Variants in PRR16 observed in about 807,000 individuals in gnomAD.
PRR16 encodes the protein protein Largen.
PRR16 carries 6 observed loss-of-function variants against 18.2 expected under a neutral mutation model. The observed-to-expected ratio is 0.33, with a 90% CI of 0.18 to 0.65. The LOEUF (loss-of-function observed/expected upper bound fraction) is 0.65, where lower values mean the gene tolerates loss of function less well. PRR16 is among the 30% of genes least tolerant of loss of function. The probability of loss-of-function intolerance (pLI) is 0.74; values close to 1 mark genes in which losing one functional copy is unlikely to be tolerated. For synonymous variants in PRR16, 151 were observed against 147.8 expected, an observed-to-expected ratio of 1.02 and a Z score of -0.16; for missense variants, 412 against 376.6, an observed-to-expected ratio of 1.09 and a Z score of -0.78.
At chr5:120,618,806 T>C (rs954359923) in intron 1 of PRR16, among the ~76,000 whole-genome samples, 6 of 151,962 alleles carry the variant, frequency 3.9e-5, no homozygotes, top group South Asian at 2.1e-4. Context: ...ACAACTCTGA[T>C]ATTAACTTCC....
intron 1 of PRR16, among the ~76,000 whole-genome samples, chr5:120,502,917 C>T (rs1330804052): frequency 1.3e-5 from 2 of 152,128 alleles, no homozygotes; most frequent in Non-Finnish European, 2.9e-5. Context: ...GCTCCTTTGG[C>T]CATTCAGAAA....
chr5:120,649,465 T>A (rs931323631), intron 1 of PRR16, among the ~76,000 whole-genome samples: 1 of 152,130 alleles, frequency 6.6e-6, no homozygotes, highest in East Asian at 1.9e-4. Context: ...TTTACTACTA[T>A]TGACTATACA....
the PRR16 span, among the ~76,000 whole-genome samples, chr5:120,716,177 T>C: frequency 2.0e-5 from 3 of 152,182 alleles, no homozygotes; most frequent in African/African-American, 4.8e-5. Flanking sequence ...CATATATTTA[T>C]TGGGGTCTTT....
At chr5:120,697,118 C>G in the PRR16 span, among the ~76,000 whole-genome samples, 3 of 152,120 alleles carry the variant, frequency 2.0e-5, no homozygotes, top group Non-Finnish European at 2.9e-5. Flanking sequence ...CTTTGAGTGA[C>G]TTTATTTGGA....
the PRR16 span, among the ~76,000 whole-genome samples, chr5:120,734,400 A>G: frequency 6.6e-6 from 1 of 152,140 alleles, no homozygotes; most frequent in Non-Finnish European, 1.5e-5. Flanking sequence ...TCTCATTTAT[A>G]ATATGTTCTT....
At chr5:120,595,813 G>A (rs1210150353) in intron 1 of PRR16, among the ~76,000 whole-genome samples, 1 of 151,860 alleles carries the variant, frequency 6.6e-6, no homozygotes, top group African/African-American at 2.4e-5. Context: ...AAGAGTTTTG[G>A]ATCTCTAATA....
intron 1 of PRR16, among the ~76,000 whole-genome samples, chr5:120,547,356 T>C (rs10079794): frequency 0.22 from 32,765 of 151,918 alleles, 3,663 homozygotes; most frequent in African/African-American, 0.23. Flanking sequence ...ACTTTAAAAA[T>C]GGGTGGGTGG....
intron 1 of PRR16, among the ~76,000 whole-genome samples, chr5:120,636,310 A>G (rs1317742913): frequency 6.6e-6 from 1 of 152,138 alleles, no homozygotes; most frequent in Non-Finnish European, 1.5e-5. Context: ...AAAAGAGCCC[A>G]CATAGCCAAA....
chr5:120,765,678 G>A, the PRR16 span, among the ~76,000 whole-genome samples: 2 of 151,830 alleles, frequency 1.3e-5, no homozygotes, highest in Non-Finnish European at 2.9e-5. Flanking sequence ...ACAACTCAAT[G>A]AATTTTCTCA....
At chr5:120,537,085 T>C (rs1396913795) in intron 1 of PRR16, among the ~76,000 whole-genome samples, 28 of 152,138 alleles carry the variant, frequency 1.8e-4, no homozygotes, top group Admixed American at 1.6e-3. Context: ...AAAATAACTA[T>C]TGGGTACTAG....
At chr5:120,511,732 GA>G (rs556558119) in intron 1 of PRR16, among the ~76,000 whole-genome samples, 3 of 152,074 alleles carry the variant, frequency 2.0e-5, no homozygotes, top group Non-Finnish European at 4.4e-5. Context: ...TCATCCTATA[GA>G]AAAAAGTTTG....
At chr5:120,565,826 T>A (rs956458154) in intron 1 of PRR16, among the ~76,000 whole-genome samples, 1 of 152,228 alleles carries the variant, frequency 6.6e-6, no homozygotes. Flanking sequence ...TTGGACTTAC[T>A]ATAATTGCAA....
At chr5:120,647,228 T>C (rs1401104714) in intron 1 of PRR16, among the ~76,000 whole-genome samples, 1 of 151,990 alleles carries the variant, frequency 6.6e-6, no homozygotes, top group Non-Finnish European at 1.5e-5. Context: ...TAACAAATTT[T>C]GCCTAACAAT....
intron 1 of PRR16, among the ~76,000 whole-genome samples, chr5:120,498,122 G>C (rs376795072): frequency 1.3e-5 from 2 of 150,746 alleles, no homozygotes; most frequent in East Asian, 1.9e-4. Flanking sequence ...TCTTCATCCT[G>C]ACTTCTTGTG....
At chr5:120,486,777 T>C (rs1188195772) in intron 1 of PRR16, among the ~76,000 whole-genome samples, 1 of 152,226 alleles carries the variant, frequency 6.6e-6, no homozygotes, top group Non-Finnish European at 1.5e-5. Flanking sequence ...TTTATGGTTT[T>C]AGGTCTAACA....
the PRR16 span, among the ~76,000 whole-genome samples, chr5:120,716,680 G>T: frequency 6.6e-6 from 1 of 152,076 alleles, no homozygotes; most frequent in African/African-American, 2.4e-5. Context: ...TTCGAGACCA[G>T]CCTGGCCAAC....
chr5:120,499,112 CTTT>C lies in PRR16; in HGVS notation c.159+34478_159+34480del, dbSNP rs113501213. On this transcript the variant is annotated intron_variant, in intron 1 of 1. Coordinates refer to ENST00000407149, the MANE Select transcript of PRR16 (RefSeq NM_001300783.2). ...TTCAGTCATCTTTTTTTTTTAATCACTTTTTTTTTTTTTAAAGACGGAGTTCCG... is the reference window on the plus strand; with the variant it reads ...TTCAGTCATCTTTTTTTTTTAATCACTTTTTTTTTTAAAGACGGAGTTCCG... Among the ~76,000 whole-genome samples, 204 of 140,082 alleles carry C rather than the reference CTTT, an allele frequency of 1.5e-3. 2 individuals carry two copies. The highest frequency in any genetic ancestry group is 5.1e-3 in the African/African-American group (194 of 38,258). The allele number at this position is 140,082 out of a possible 152,430, so 91.9% of individuals were successfully genotyped here. A position where few individuals can be genotyped will look rare whatever the true frequency, so the allele number is the denominator to read the frequency against.
chr5:120,735,996 C>T, the PRR16 span, among the ~76,000 whole-genome samples: 1 of 152,040 alleles, frequency 6.6e-6, no homozygotes, highest in Admixed American at 6.6e-5. Flanking sequence ...TTTGTGTACA[C>T]CATGGAAGGT....
chr5:120,788,820 TCTTGGAGATAGCAGAGTTA>T, the PRR16 span, among the ~76,000 whole-genome samples: 1 of 152,268 alleles, frequency 6.6e-6, no homozygotes, highest in East Asian at 1.9e-4. Flanking sequence ...CTGGTTTTAA[TCTTGGAGATAGCAGAGTTA>T]CTGATTTTTT....
Sources: allele counts gnomAD v4.1 joint callset (sites outside exome capture counted in the v4.1 genomes callset), GRCh38; gene constraint gnomAD v4.1.1; transcripts MANE v1.5; gene names NCBI Gene and HGNC (gene_info 2026-07-23, HGNC 2026-07-21).